Variants in SLC24A2 observed in about 807,000 individuals in gnomAD.
The protein encoded by SLC24A2 is solute carrier family 24 member 2, also known as sodium/potassium/calcium exchanger 2.
Under a neutral mutation model 62.0 loss-of-function variants are expected in SLC24A2, and 36 were observed. The ratio of observed to expected loss-of-function variants is 0.58; its 90% CI spans 0.44 to 0.77. The LOEUF (loss-of-function observed/expected upper bound fraction) is 0.77, where lower values mean the gene tolerates loss of function less well. Among genes scored for constraint, SLC24A2 ranks in the 30% least tolerant of loss-of-function variants. SLC24A2 has a pLI of 0.00. For missense variants in SLC24A2, 846 were observed against 817.9 expected, an observed-to-expected ratio of 1.03 and a Z score of -0.42; for synonymous variants, 358 against 294.0, an observed-to-expected ratio of 1.22 and a Z score of -2.23.
intron 8 of SLC24A2, among the ~76,000 whole-genome samples, chr9:19,537,098 A>G (rs1369762175): frequency 1.3e-5 from 2 of 151,470 alleles, no homozygotes; most frequent in Admixed American, 1.3e-4. Flanking sequence ...GATTCTGGAT[A>G]TTAGCCCTTT....
At chr9:19,640,626 A>G (rs554609654) in intron 2 of SLC24A2, among the ~76,000 whole-genome samples, 4 of 152,348 alleles carry the variant, frequency 2.6e-5, no homozygotes, top group Non-Finnish European at 5.9e-5. Context: ...AAAAATAAAT[A>G]TTAGTGCAAA....
At chr9:19,908,072 T>G in the SLC24A2 span, among the ~76,000 whole-genome samples, 1 of 152,200 alleles carries the variant, frequency 6.6e-6, no homozygotes, top group Non-Finnish European at 1.5e-5. Flanking sequence ...TCACGTTACC[T>G]GACTTCAAAC....
chr9:19,903,333 G>A, the SLC24A2 span, among the ~76,000 whole-genome samples: 1 of 152,176 alleles, frequency 6.6e-6, no homozygotes, highest in East Asian at 1.9e-4. Context: ...CAGAGAGAGA[G>A]AGAGTGAGTG....
chr9:19,560,114 CT>C (rs1320405422), intron 7 of SLC24A2, among the ~76,000 whole-genome samples: 1 of 152,084 alleles, frequency 6.6e-6, no homozygotes, highest in African/African-American at 2.4e-5. Flanking sequence ...CCTAAGGGCT[CT>C]AAGGCTGAGG....
At chr9:20,205,039 C>A in the SLC24A2 span, among the ~76,000 whole-genome samples, 4 of 152,042 alleles carry the variant, frequency 2.6e-5, no homozygotes, top group Admixed American at 2.0e-4. Context: ...GCCACTGCAC[C>A]CAGCCAAAAG....
chr9:19,786,709 G>C lies in SLC24A2; in HGVS notation c.158C>G (p.Ser53Ter). The change falls in exon 2 of 11, where the codon TCA (serine) becomes TGA (stop). Residue 53 changes from serine (S) to a stop codon, truncating the protein, a stop_gained. Transcript: ENST00000341998. LOFTEE classifies it high-confidence loss of function. The surrounding 1 kb of genome is among the most constrained non-coding windows in gnomAD (Gnocchi z 5.0). Reference sequence around the variant, plus strand: ...CTCAGAAAAGGCACTGATTGAAAATGAGACAGTGCTAATGGCTACCAGACC... The same window carrying C: ...CTCAGAAAAGGCACTGATTGAAAATCAGACAGTGCTAATGGCTACCAGACC... ...FMGLVAISTV[S>*]FSISAFSETD... 1 of 1,611,446 alleles carries C rather than the reference G, an allele frequency of 6.2e-7. No homozygotes were observed. Among genetic ancestry groups the C allele is most frequent in the South Asian group, 1.1e-5 (1 of 90,778 alleles).
chr9:19,743,219 C>A (rs888487610), intron 2 of SLC24A2, among the ~76,000 whole-genome samples: 1 of 152,142 alleles, frequency 6.6e-6, no homozygotes, highest in African/African-American at 2.4e-5. Flanking sequence ...GTAGTTACGG[C>A]TGAGTTGGAC....
At chr9:20,092,012 G>C in the SLC24A2 span, among the ~76,000 whole-genome samples, 83 of 152,270 alleles carry the variant, frequency 5.5e-4, no homozygotes, top group East Asian at 0.012. Context: ...AATACCACCT[G>C]TTCTCATTTA....
the SLC24A2 span, among the ~76,000 whole-genome samples, chr9:20,287,864 A>T: frequency 4.3e-4 from 65 of 152,344 alleles, no homozygotes; most frequent in African/African-American, 1.4e-3. Context: ...AAACTCCCTG[A>T]TATTGGCTGA....
chr9:20,200,617 A>T, the SLC24A2 span, among the ~76,000 whole-genome samples: 3 of 152,244 alleles, frequency 2.0e-5, no homozygotes, highest in Non-Finnish European at 4.4e-5. Flanking sequence ...TGCAACAAAA[A>T]TACAAACATG....
At chr9:19,991,136 T>C in the SLC24A2 span, among the ~76,000 whole-genome samples, 1 of 151,734 alleles carries the variant, frequency 6.6e-6, no homozygotes, top group Admixed American at 6.6e-5. Context: ...CAATAGGCCA[T>C]CTGCAAGCTG....
At chr9:19,947,809 AAAGAAAG>A in the SLC24A2 span, among the ~76,000 whole-genome samples, 7 of 83,774 alleles carry the variant, frequency 8.4e-5, no homozygotes, top group African/African-American at 1.0e-4. Context: ...AAAAAAAAAA[AAAGAAAG>A]AAAGAAAGAA....
At chr9:19,682,820 A>G (rs1312054678) in intron 2 of SLC24A2, among the ~76,000 whole-genome samples, 1 of 152,190 alleles carries the variant, frequency 6.6e-6, no homozygotes, top group Non-Finnish European at 1.5e-5. Context: ...GAAGAGGTGG[A>G]AAATTTTTGA....
At chr9:20,037,836 C>T in the SLC24A2 span, among the ~76,000 whole-genome samples, 1 of 152,236 alleles carries the variant, frequency 6.6e-6, no homozygotes, top group East Asian at 1.9e-4. Flanking sequence ...AGGGATGCTG[C>T]AAAACATTCC....
chr9:19,787,092 T>A, intron 1 of SLC24A2, 73 bp from the exon 2 acceptor site: 1 of 826,792 alleles, frequency 1.2e-6, no homozygotes, highest in Non-Finnish European at 1.5e-6. Flanking sequence ...TTTGCAGATA[T>A]GATAAAGTCC....
In SLC24A2 at chr9:19,516,282, G is replaced by A; in HGVS notation, c.1857C>T (p.Leu619=). 6.2e-7 allele frequency: 1 copy of A among 1,614,124 alleles called. No homozygotes were observed. Among genetic ancestry groups the A allele is most frequent in the Non-Finnish European group, 8.5e-7 (1 of 1,180,032 alleles). ...TTCGCCACTTGCAGAGGGCGATAGA[G>A]AGGATGACGAAGAGCAGCATGATGA... ...LLFIMLLFVI[L]SIALCKWRMN... is the part of the protein sequence containing the mutation. The change falls in exon 11 of 11, where the codon CTC becomes CTT. Residue 619 remains leucine, a synonymous_variant. Transcript: ENST00000341998.
chr9:19,706,286 G>A (rs1820513995), intron 2 of SLC24A2, among the ~76,000 whole-genome samples: 1 of 151,564 alleles, frequency 6.6e-6, no homozygotes, highest in Admixed American at 6.6e-5. Flanking sequence ...CATTTGCTTG[G>A]TAGATCTTTC....
At chr9:19,613,921 G>T (rs1817695679) in intron 4 of SLC24A2, among the ~76,000 whole-genome samples, 1 of 152,194 alleles carries the variant, frequency 6.6e-6, no homozygotes, top group South Asian at 2.1e-4. Flanking sequence ...TTACATGTCA[G>T]TGTCCTCTGA....
chr9:20,276,199 T>A, the SLC24A2 span, among the ~76,000 whole-genome samples: 1 of 152,332 alleles, frequency 6.6e-6, no homozygotes, highest in African/African-American at 2.4e-5. Context: ...CTTCTGCCTA[T>A]AGCCTGTAAA....
Sources: gnomAD v4.1 joint callset for allele counts (sites outside exome capture counted in the v4.1 genomes callset) on GRCh38, gnomAD v4.1.1 for gene constraint, Gnocchi (gnomAD v3.1) non-coding constraint, MANE v1.5 for transcripts, NCBI Gene and HGNC (gene_info 2026-07-23, HGNC 2026-07-21) for gene names.